Variants in PRKG1 observed in about 807,000 individuals in gnomAD.
PRKG1 encodes the protein cGMP-dependent protein kinase 1.
Under a neutral mutation model 88.1 loss-of-function variants are expected in PRKG1, and 35 were observed. That is an observed-to-expected ratio of 0.40 (90% CI 0.30 to 0.53). PRKG1 has a LOEUF of 0.53. Among genes scored for constraint, PRKG1 ranks in the 20% least tolerant of loss-of-function variants. PRKG1 has a pLI of 0.59. For missense variants in PRKG1, 540 were observed against 839.8 expected (o/e 0.64, Z 4.41); for synonymous variants, 303 against 292.5 (o/e 1.04, Z -0.37).
intron 9 of PRKG1, chr10:52,184,651 T>C (rs1381504557): frequency 1.3e-5 from 2 of 152,162 alleles, no homozygotes; most frequent in Non-Finnish European, 2.9e-5. Context: ...GTGTAATTTA[T>C]ATAGAAAAGA....
At chr10:52,281,988 C>T (rs1842011324) in intron 13 of PRKG1, among the ~76,000 whole-genome samples, 165 bp from the exon 14 acceptor site, 1 of 152,062 alleles carries the variant, frequency 6.6e-6, no homozygotes, top group South Asian at 2.1e-4. Flanking sequence ...TGAGGTGCAT[C>T]AGGGAGACTG....
intron 1 of PRKG1, among the ~76,000 whole-genome samples, chr10:51,031,735 T>G (rs753251615): frequency 1.3e-5 from 2 of 152,290 alleles, no homozygotes; most frequent in Admixed American, 1.3e-4. Flanking sequence ...GTGGTCAAAA[T>G]GCAAGTCCAC....
intron 5 of PRKG1, among the ~76,000 whole-genome samples, chr10:51,962,720 C>G (rs551854575): frequency 6.6e-6 from 1 of 152,104 alleles, no homozygotes; most frequent in South Asian, 2.1e-4. Flanking sequence ...ACAAAGTGCA[C>G]AGGGGAATGT....
rs142058259 is a variant in PRKG1, at chr10:52,205,086, G to A, written c.1076+43123G>A. Reference sequence around the variant, plus strand: ...GAAACACGCCCTAATCTCCTGCAGCGCCCCCAGGTTTGCTAGGATTAGGAA... The same window carrying A: ...GAAACACGCCCTAATCTCCTGCAGCACCCCCAGGTTTGCTAGGATTAGGAA... On this transcript the variant is annotated intron_variant, in intron 9 of 17. Coordinates refer to ENST00000373980, the MANE Select transcript of PRKG1 (RefSeq NM_006258.4). Among the ~76,000 whole-genome samples the A allele has an allele frequency of 2.1e-4, 32 of 152,122 alleles. No homozygotes were observed. In the East Asian group the frequency reaches 3.1e-3, roughly 15 times the overall value.
At chr10:52,273,221 G>A (rs1173005375) in intron 12 of PRKG1, among the ~76,000 whole-genome samples, 3 of 151,684 alleles carry the variant, frequency 2.0e-5, no homozygotes, top group African/African-American at 7.3e-5. Context: ...AAATGTCTCA[G>A]GAGATCATTA....
At chr10:51,352,913 CA>C (rs1842283917) in intron 2 of PRKG1, among the ~76,000 whole-genome samples, 9 of 151,854 alleles carry the variant, frequency 5.9e-5, no homozygotes, top group African/African-American at 2.2e-4. Context: ...AACAAACAAA[CA>C]AAACAAACAA....
chr10:52,270,288 C>A (rs969709944), intron 10 of PRKG1, among the ~76,000 whole-genome samples: 2 of 152,064 alleles, frequency 1.3e-5, no homozygotes, highest in African/African-American at 2.4e-5. Context: ...TAAACTAGTT[C>A]AACCATTGTG....
chr10:52,060,975 CA>C (rs1846222420), intron 6 of PRKG1, among the ~76,000 whole-genome samples: 2 of 151,854 alleles, frequency 1.3e-5, no homozygotes, highest in African/African-American at 4.8e-5. Flanking sequence ...GCTGTTTAAA[CA>C]AAGAAAATAA....
intron 3 of PRKG1, among the ~76,000 whole-genome samples, chr10:51,761,392 G>GTATA: frequency 6.6e-6 from 1 of 152,226 alleles, no homozygotes; most frequent in Non-Finnish European, 1.5e-5. Context: ...AAAGTGTCCA[G>GTATA]CTGAGTATTC....
chr10:51,222,364 G>A (rs1163858765), intron 2 of PRKG1, among the ~76,000 whole-genome samples: 1 of 151,976 alleles, frequency 6.6e-6, no homozygotes, highest in Non-Finnish European at 1.5e-5. Flanking sequence ...TGATTTCCAA[G>A]TAGAACATTA....
At chr10:52,098,156 A>G (rs1168988361) in intron 7 of PRKG1, among the ~76,000 whole-genome samples, 1 of 152,202 alleles carries the variant, frequency 6.6e-6, no homozygotes. Context: ...TAATAACTGA[A>G]GCAATAATCA....
chr10:51,026,889 G>C (rs1445214561), intron 1 of PRKG1, among the ~76,000 whole-genome samples: 1 of 152,156 alleles, frequency 6.6e-6, no homozygotes, highest in East Asian at 1.9e-4. Flanking sequence ...TAAGCATTAA[G>C]ATTAGCTTTT....
chr10:51,358,375 C>T (rs1842410190), intron 2 of PRKG1, among the ~76,000 whole-genome samples: 1 of 151,820 alleles, frequency 6.6e-6, no homozygotes, highest in Non-Finnish European at 1.5e-5. Context: ...CAAATGTTCA[C>T]TCAGGTTAGG....
intron 2 of PRKG1, among the ~76,000 whole-genome samples, chr10:51,191,633 T>C (rs554567320): frequency 1.3e-5 from 2 of 151,940 alleles, no homozygotes; most frequent in South Asian, 4.1e-4. Flanking sequence ...TAATGCCTTA[T>C]CTTATTTAAT....
intron 2 of PRKG1, among the ~76,000 whole-genome samples, chr10:51,262,990 T>C (rs1348126877): frequency 6.6e-6 from 1 of 152,196 alleles, no homozygotes; most frequent in African/African-American, 2.4e-5. Flanking sequence ...TTATTATTAA[T>C]CTAGTGCTGT....
intron 7 of PRKG1, among the ~76,000 whole-genome samples, chr10:52,085,778 G>A (rs1309134939): frequency 1.3e-5 from 2 of 152,018 alleles, no homozygotes; most frequent in African/African-American, 4.8e-5. Context: ...CATTCCCTCA[G>A]AATTCCTTCT....
At chr10:51,770,026 T>C (rs1838263388) in intron 3 of PRKG1, among the ~76,000 whole-genome samples, 1 of 152,260 alleles carries the variant, frequency 6.6e-6, no homozygotes, top group Non-Finnish European at 1.5e-5. Context: ...TTAATGTATG[T>C]CTGTACGACA....
chr10:51,676,432 A>G (rs1222081889), intron 3 of PRKG1, among the ~76,000 whole-genome samples: 1 of 149,462 alleles, frequency 6.7e-6, no homozygotes, highest in East Asian at 2.0e-4. Context: ...ATTATATATT[A>G]CTCAGAGTTT....
chr10:51,945,135 G>A (rs1308823480), intron 5 of PRKG1, among the ~76,000 whole-genome samples: 2 of 150,130 alleles, frequency 1.3e-5, no homozygotes, highest in Non-Finnish European at 3.0e-5. Context: ...GACTCTGGGT[G>A]CTCCTGTATT....
Sources: allele counts gnomAD v4.1 joint callset (sites outside exome capture counted in the v4.1 genomes callset), GRCh38; gene constraint gnomAD v4.1.1; transcripts MANE v1.5; gene names NCBI Gene and HGNC (gene_info 2026-07-23, HGNC 2026-07-21).